Variants in PREX1 observed in about 807,000 individuals in gnomAD.
PREX1 encodes the protein phosphatidylinositol-3,4,5-trisphosphate dependent Rac exchange factor 1.
A neutral mutation model predicts 198.3 loss-of-function variants in PREX1; 41 were observed. The ratio of observed to expected loss-of-function variants is 0.21; its 90% CI spans 0.16 to 0.27. PREX1 has a LOEUF of 0.27. Ranked by LOEUF, PREX1 falls within the 10% of genes least tolerant of loss-of-function variation. The probability of loss-of-function intolerance (pLI) is 1.00; values close to 1 mark genes in which losing one functional copy is unlikely to be tolerated. For missense variants in PREX1, 1,620 were observed against 2,200.7 expected (o/e 0.74, Z 5.28); for synonymous variants, 843 against 887.2 (o/e 0.95, Z 0.89).
At chr20:48,706,734 C>T (rs1021693831) in intron 6 of PREX1, among the ~76,000 whole-genome samples, 29 of 152,294 alleles carry the variant, frequency 1.9e-4, no homozygotes, top group African/African-American at 5.1e-4. Flanking sequence ...TCCTAACTGA[C>T]GCACCTGAGG....
intron 1 of PREX1, among the ~76,000 whole-genome samples, chr20:48,775,851 T>C (rs1414204399): frequency 6.6e-6 from 1 of 152,202 alleles, no homozygotes; most frequent in African/African-American, 2.4e-5. Flanking sequence ...ATTAAACCTC[T>C]TGCTTTTGTA....
chr20:48,794,754 G>A (rs183637131), intron 1 of PREX1, among the ~76,000 whole-genome samples: 8 of 152,212 alleles, frequency 5.3e-5, no homozygotes, highest in African/African-American at 1.4e-4. Flanking sequence ...TACAGTCCTC[G>A]GGGACTGGGC....
intron 5 of PREX1, among the ~76,000 whole-genome samples, chr20:48,719,303 ACC>A (rs34646004): frequency 3.6e-5 from 5 of 139,316 alleles, no homozygotes; most frequent in Admixed American, 7.1e-5. Context: ...TGATGGCAGG[ACC>A]CCCCCCCCAA....
At chr20:48,676,376 C>T in intron 13 of PREX1, 108 bp from the exon 14 acceptor site, 1 of 1,019,630 alleles carries the variant, frequency 9.8e-7, no homozygotes, top group Non-Finnish European at 1.5e-6. Context: ...GATCTCCAGG[C>T]TCTCTAGGCA....
chr20:48,644,369 G>A (rs770175750), intron 27 of PREX1, 40 bp downstream of exon 27: 1 of 1,506,932 alleles, frequency 6.6e-7, no homozygotes, highest in East Asian at 2.3e-5. Flanking sequence ...ATGGGGAGGA[G>A]CCTCTCTCCC....
At chr20:48,657,263 A>C in intron 17 of PREX1, 75 bp from the exon 18 acceptor site, 1 of 1,525,120 alleles carries the variant, frequency 6.6e-7, no homozygotes, top group Non-Finnish European at 9.0e-7. Context: ...GGAAGCTCAA[A>C]TGTGTTCAGC....
At chr20:48,682,200 C>T in intron 10 of PREX1, among the ~76,000 whole-genome samples, 1 of 152,176 alleles carries the variant, frequency 6.6e-6, no homozygotes, top group South Asian at 2.1e-4. Flanking sequence ...GCTGCACTTG[C>T]TGTTCCTTCT....
chr20:48,883,229 T>A, the PREX1 span, among the ~76,000 whole-genome samples: 1 of 151,938 alleles, frequency 6.6e-6, no homozygotes, highest in African/African-American at 2.4e-5. Flanking sequence ...ACACCGTGCC[T>A]GGCCCATTGT....
chr20:48,729,788 T>C (rs1038946892), intron 4 of PREX1, among the ~76,000 whole-genome samples: 2 of 152,172 alleles, frequency 1.3e-5, no homozygotes, highest in Non-Finnish European at 2.9e-5. Flanking sequence ...CTGCAGTCGG[T>C]TGAATGGTGT....
rs2089422125 is a variant in PREX1, at chr20:48,642,482, C to T, written c.3609G>A (p.Glu1203=). 6.2e-7 allele frequency: 1 copy of T among 1,611,814 alleles called. No homozygotes were observed. Among genetic ancestry groups the T allele is most frequent in the Non-Finnish European group, 8.5e-7 (1 of 1,178,478 alleles). ...ATGGGATCCGCATGTCACAGGGCAG[C>T]TCATCTCCTGGCAGGAGGTAGAAGC... ...LGSDEMGSGD[E]LPCDMRIPSD... The change falls in exon 28 of 40, where the codon GAG becomes GAA. Residue 1203 remains glutamate, a synonymous_variant. Transcript: ENST00000371941.
Position 48,681,299 on chromosome 20 carries a change from G to A in PREX1, c.1371C>T (p.Ile457=). The change falls in exon 11 of 40, where the codon ATC becomes ATT. Residue 457 remains isoleucine (I), a synonymous_variant. Transcript: ENST00000371941. ...FVAWLLEIGE[I]SKTEEGVNLG... is the part of the protein sequence containing the mutation. ...AGTTGACTCCTTCTTCCGTCTTGCT[G>A]ATTTCACCAATTTCTAGGAGCCAGG... 1.2e-6 allele frequency: 2 copies of A among 1,614,208 alleles called. No homozygotes were observed. The highest frequency in any genetic ancestry group is 1.7e-6 in the Non-Finnish European group (2 of 1,180,040).
intron 7 of PREX1, among the ~76,000 whole-genome samples, chr20:48,700,286 A>C (rs774363080): frequency 6.1e-4 from 93 of 152,260 alleles, no homozygotes; most frequent in Admixed American, 1.6e-3. Context: ...ACAGTCATCT[A>C]GACCTGTGCT....
chr20:48,837,634 G>A, the PREX1 span, among the ~76,000 whole-genome samples: 39,723 of 152,068 alleles, frequency 0.26, 5,769 homozygotes, highest in Non-Finnish European at 0.33. Context: ...ACTCATGGAC[G>A]CAGAGGGGAG....
intron 5 of PREX1, among the ~76,000 whole-genome samples, chr20:48,710,870 C>A (rs540843113): frequency 1.3e-5 from 2 of 152,328 alleles, no homozygotes; most frequent in African/African-American, 4.8e-5. Context: ...GCAGGGAGGC[C>A]AGCGGAGCTG....
intron 7 of PREX1, among the ~76,000 whole-genome samples, chr20:48,694,600 G>C (rs1188770088): frequency 6.6e-6 from 1 of 152,232 alleles, no homozygotes; most frequent in Non-Finnish European, 1.5e-5. Flanking sequence ...GGTGTGCACA[G>C]GCCTCTGCTC....
the PREX1 span, among the ~76,000 whole-genome samples, chr20:48,885,654 G>A: frequency 7.0e-6 from 1 of 143,240 alleles, no homozygotes; most frequent in Non-Finnish European, 1.5e-5. Flanking sequence ...AAGCAACCAA[G>A]ATGTCCTCCA....
chr20:48,628,569 C>T (rs2089290545), intron 37 of PREX1, among the ~76,000 whole-genome samples: 1 of 152,154 alleles, frequency 6.6e-6, no homozygotes, highest in African/African-American at 2.4e-5. Context: ...TGAGCAGCAT[C>T]CCGGCCTCTA....
intron 1 of PREX1, among the ~76,000 whole-genome samples, chr20:48,806,230 A>G (rs2090411246): frequency 6.6e-6 from 1 of 152,194 alleles, no homozygotes; most frequent in African/African-American, 2.4e-5. Context: ...TTCTAAGCCC[A>G]CCAGAACATC....
rs1266943275 is a variant in PREX1, at chr20:48,785,304, C to T, written c.220-37424G>A. Among the ~76,000 whole-genome samples the T allele has an allele frequency of 4.6e-5, 7 of 152,346 alleles. No homozygotes were observed. The East Asian group carries it at 1.3e-3, about 29-fold the overall frequency. The stretch of plus-strand genomic sequence containing the variant: ...CCTGCCTGGGGTCTCCTCTGACAAG[C>T]CCACAGGAGGTTTACCAGCAGTGGC... On this transcript the variant is annotated intron_variant, in intron 1 of 39. Coordinates refer to ENST00000371941, the MANE Select transcript of PREX1 (RefSeq NM_020820.4).
Sources: allele counts gnomAD v4.1 joint callset (sites outside exome capture counted in the v4.1 genomes callset), GRCh38; gene constraint gnomAD v4.1.1; transcripts MANE v1.5; gene names NCBI Gene and HGNC (gene_info 2026-07-23, HGNC 2026-07-21).